Variants in NUP93 observed in about 807,000 individuals in gnomAD.
The protein encoded by NUP93 is nuclear pore complex protein Nup93.
In NUP93, 55 loss-of-function variants were observed where a neutral mutation model predicts 107.8. The observed-to-expected ratio is 0.51, with a 90% CI of 0.41 to 0.64. The LOEUF is 0.64. NUP93 is among the 30% of genes least tolerant of loss of function. The pLI is 0.00. For synonymous variants in NUP93, 390 were observed against 397.5 expected (o/e 0.98, Z 0.22); for missense variants, 937 against 1,044.7 (o/e 0.90, Z 1.42).
In NUP93 at chr16:56,841,852, C is replaced by T. The variant is rs367820988; in HGVS notation, c.2349+19C>T. Reference sequence around the variant, plus strand: ...CGACTCTGTAAGATCCCAGCATTCGCGAGAAACATTGCTAAGCACCACCTT... The same window carrying T: ...CGACTCTGTAAGATCCCAGCATTCGTGAGAAACATTGCTAAGCACCACCTT... On this transcript the variant is annotated intron_variant, in intron 21 of 21. Coordinates refer to ENST00000308159, the MANE Select transcript of NUP93 (RefSeq NM_014669.5). The T allele has an allele frequency of 3.8e-5, 62 of 1,612,982 alleles. No individual in the cohort carries two copies. The Middle Eastern group carries it at 6.6e-4, about 17-fold the overall frequency.
intron 5 of NUP93, among the ~76,000 whole-genome samples, chr16:56,814,394 C>T (rs1489210942): frequency 1.3e-5 from 2 of 152,104 alleles, no homozygotes; most frequent in Non-Finnish European, 2.9e-5. Flanking sequence ...TTCGCCATGT[C>T]ACACAGGCTG....
intron 1 of NUP93, among the ~76,000 whole-genome samples, chr16:56,739,580 C>A (rs111829444): frequency 3.8e-4 from 31 of 81,786 alleles, no homozygotes; most frequent in African/African-American, 5.2e-4. Flanking sequence ...GGGGGCTGAC[C>A]CCCCCACCTC....
chr16:56,836,653 T>C lies in NUP93; in HGVS notation c.1835T>C (p.Val612Ala), dbSNP rs1963918356. The C allele has an allele frequency of 1.2e-6, 2 of 1,614,180 alleles. No homozygotes were observed. Among genetic ancestry groups the C allele is most frequent in the Non-Finnish European group, 1.7e-6 (2 of 1,179,998 alleles). Residue 612 changes from valine to alanine, a missense_variant, in exon 17 of 22, where the codon GTT becomes GCT. Physicochemically the swap from Val to Ala is moderately conservative, Grantham distance 64. Transcript: ENST00000308159. ...TSDTKPIINK[V>A]ASVAENKGLF... Reference sequence around the variant, plus strand: ...GACACAAAGCCTATTATCAACAAAGTTGCTTCTGTGGCAGAAAATAAAGGA... The same window carrying C: ...GACACAAAGCCTATTATCAACAAAGCTGCTTCTGTGGCAGAAAATAAAGGA...
At chr16:56,748,763 T>C (rs1298030682) in intron 2 of NUP93, among the ~76,000 whole-genome samples, 2 of 152,144 alleles carry the variant, frequency 1.3e-5, no homozygotes, top group African/African-American at 2.4e-5. Flanking sequence ...GCTCCCGTTA[T>C]GTTAATACGT....
chr16:56,776,268 A>G (rs773640062), intron 3 of NUP93, among the ~76,000 whole-genome samples: 2 of 152,186 alleles, frequency 1.3e-5, no homozygotes, highest in African/African-American at 4.8e-5. Flanking sequence ...GATAATTTTA[A>G]TAAACCTTTT....
At chr16:56,758,450 C>G (rs2144482145) in intron 2 of NUP93, 88 bp from the exon 3 acceptor site, 1 of 955,504 alleles carries the variant, frequency 1.0e-6, no homozygotes, top group East Asian at 2.4e-5. Context: ...AAAATGCTCT[C>G]TAGTATTTGA....
intron 5 of NUP93, among the ~76,000 whole-genome samples, chr16:56,807,957 A>G (rs1449843454): frequency 6.6e-6 from 1 of 150,538 alleles, no homozygotes; most frequent in Non-Finnish European, 1.5e-5. Context: ...GGGGAGTCGG[A>G]GGTCGCAGTG....
chr16:56,779,378 C>T (rs1234599063), intron 3 of NUP93, among the ~76,000 whole-genome samples: 1 of 152,116 alleles, frequency 6.6e-6, no homozygotes, highest in Non-Finnish European at 1.5e-5. Flanking sequence ...AATGCTGGAC[C>T]CGTTAGTTTT....
At chr16:56,744,170 C>T (rs1961783316) in intron 1 of NUP93, among the ~76,000 whole-genome samples, 1 of 152,160 alleles carries the variant, frequency 6.6e-6, no homozygotes, top group South Asian at 2.1e-4. Context: ...AGCTGGTGTC[C>T]AGGCTACATG....
chr16:56,822,987 G>A (rs1227287962), intron 7 of NUP93, among the ~76,000 whole-genome samples: 2 of 152,142 alleles, frequency 1.3e-5, no homozygotes, highest in Non-Finnish European at 2.9e-5. Flanking sequence ...TCTCCAATCA[G>A]TGCTATCCTG....
chr16:56,806,822 C>G (rs750014850), intron 5 of NUP93, among the ~76,000 whole-genome samples: 6 of 152,096 alleles, frequency 3.9e-5, no homozygotes, highest in Non-Finnish European at 8.8e-5. Flanking sequence ...AGCCTACACT[C>G]CAGGGGAGAG....
intron 21 of NUP93, chr16:56,842,766 T>C: frequency 5.7e-6 from 2 of 352,192 alleles, no homozygotes; most frequent in South Asian, 4.2e-5. Flanking sequence ...TTGCCCAGAC[T>C]GGTCTCGAAC....
In NUP93 at chr16:56,842,488, C is replaced by T. The variant is rs184142988; in HGVS notation, c.2349+655C>T. ...GCTCACAGCATATGTTGTCTGATTA[C>T]AAAAAAAAAGAGCAAAGGTATTTTT... On this transcript the variant is annotated intron_variant, in intron 21 of 21. Transcript: ENST00000308159. The T allele has an allele frequency of 1.3e-3, 501 of 390,804 alleles. 2 individuals carry two copies. The highest frequency in any genetic ancestry group is 1.0e-2 in the African/African-American group (452 of 45,412). The allele number at this position is 390,804 out of a possible 1,614,324, so 24.2% of individuals were successfully genotyped here.
At position 56,847,415 on chromosome 16, in the gene NUP93, G is replaced by A. The variant is rs552251058; in HGVS notation, c.*2806G>A. On this transcript the variant is annotated 3_prime_UTR_variant, in exon 22 of 22. Coordinates refer to ENST00000308159, the MANE Select transcript of NUP93 (RefSeq NM_014669.5). The stretch of plus-strand genomic sequence containing the variant: ...GGGCCAGGATTTCACTATTTACCCA[G>A]AGAAACTAAGAGAAAGTGGCACTAG... 22 of 152,172 alleles carry A rather than the reference G, an allele frequency of 1.4e-4. No individual in the cohort carries two copies. Among genetic ancestry groups the A allele is most frequent in the Admixed American group, 5.2e-4 (8 of 15,272 alleles). The allele number at this position is 152,172 out of a possible 1,614,324, so 9.4% of individuals were successfully genotyped here. A position where few individuals can be genotyped will look rare whatever the true frequency, so the allele number is the denominator to read the frequency against.
At chr16:56,782,229 G>A (rs1567386183) in intron 3 of NUP93, 1 of 985,158 alleles carries the variant, frequency 1.0e-6, no homozygotes, top group Non-Finnish European at 1.2e-6. Flanking sequence ...GATTGGCCGT[G>A]TTTTGTAAAG....
At chr16:56,812,501 G>A (rs748123945) in intron 5 of NUP93, among the ~76,000 whole-genome samples, 2 of 152,000 alleles carry the variant, frequency 1.3e-5, no homozygotes, top group Non-Finnish European at 2.9e-5. Flanking sequence ...CCGCAACCAC[G>A]CCTGGCTAAT....
intron 21 of NUP93, chr16:56,842,661 T>C: frequency 2.2e-6 from 1 of 447,674 alleles, no homozygotes; most frequent in Non-Finnish European, 4.5e-6. Context: ...CAAGCCACCC[T>C]CCCACCTCAC....
intron 2 of NUP93, 127 bp from the exon 3 acceptor site, chr16:56,758,411 C>T (rs1962066280): frequency 1.4e-6 from 1 of 708,714 alleles, no homozygotes; most frequent in Non-Finnish European, 2.5e-6. Flanking sequence ...GTAAAAGTGT[C>T]TGGACAGTAT....
rs75745425 is a variant in NUP93, at chr16:56,749,204, A to T, written c.179+778A>T. ...TAATGTGGGGAGTGGGGCAGAAAAA[A>T]ACTATGCTGCTTTCCTTAAGAAATG... On this transcript the variant is annotated intron_variant, in intron 2 of 21. Transcript: ENST00000308159. Among the ~76,000 whole-genome samples, 99 of 152,270 alleles carry T rather than the reference A, an allele frequency of 6.5e-4. 1 individual carries two copies. In the East Asian group the frequency reaches 0.019, roughly 29 times the overall value.
Sources: allele counts gnomAD v4.1 joint callset (sites outside exome capture counted in the v4.1 genomes callset), GRCh38; gene constraint gnomAD v4.1.1; transcripts MANE v1.5; gene names NCBI Gene and HGNC (gene_info 2026-07-23, HGNC 2026-07-21).